The following PLB1 variants were observed in gnomAD, a reference collection of about 807,000 sequenced individuals.
PLB1 encodes phospholipase B1.
In PLB1, 242 loss-of-function variants were observed where a neutral mutation model predicts 227.4. The ratio of observed to expected loss-of-function variants is 1.06; its 90% confidence interval spans 0.96 to 1.18. The LOEUF is 1.18. Among genes scored for constraint, PLB1 ranks in the 50% most tolerant of loss-of-function variants. PLB1 has a pLI of 0.00. For missense variants in PLB1, 1,858 were observed against 1,816.3 expected (o/e 1.02, Z -0.42); for synonymous variants, 757 against 682.2 (o/e 1.11, Z -1.71).
At chr2:28,641,742 C>A (rs1689999844) in intron 57 of PLB1, among the ~76,000 whole-genome samples, 1 of 152,164 alleles carries the variant, frequency 6.6e-6, no homozygotes, top group Admixed American at 6.5e-5. Context: ...ACACCCACTG[C>A]CCTTGCCTGG....
intron 16 of PLB1, among the ~76,000 whole-genome samples, chr2:28,550,977 G>A (rs994063827): frequency 6.6e-6 from 1 of 152,186 alleles, no homozygotes; most frequent in Non-Finnish European, 1.5e-5. Context: ...CTGGGTGCCT[G>A]GAAGCAGGTC....
chr2:28,604,871 G>T (rs1684440050), intron 41 of PLB1, 112 bp downstream of exon 41: 1 of 981,550 alleles, frequency 1.0e-6, no homozygotes, highest in African/African-American at 1.6e-5. Flanking sequence ...CAGCTCTCCA[G>T]ACGCTGTGCT....
intron 41 of PLB1, 139 bp from the exon 42 acceptor site, chr2:28,605,714 A>G (rs1027288595): frequency 1.5e-6 from 1 of 671,602 alleles, no homozygotes; most frequent in Non-Finnish European, 2.7e-6. Context: ...GTTAAGGTGA[A>G]TGGGCCCTGT....
intron 46 of PLB1, among the ~76,000 whole-genome samples, chr2:28,619,909 T>G (rs2148325830): frequency 6.6e-6 from 1 of 152,230 alleles, no homozygotes; most frequent in African/African-American, 2.4e-5. Context: ...AAGAGGCATG[T>G]GCAGGAGTAA....
At chr2:28,560,759 C>T (rs1403979183) in intron 17 of PLB1, among the ~76,000 whole-genome samples, 2 of 152,208 alleles carry the variant, frequency 1.3e-5, no homozygotes, top group Non-Finnish European at 2.9e-5. Flanking sequence ...ATTCTATTTA[C>T]ATGAAATATC....
chr2:28,511,885 A>G (rs1043185101), intron 1 of PLB1, among the ~76,000 whole-genome samples: 2 of 150,232 alleles, frequency 1.3e-5, no homozygotes, highest in African/African-American at 2.5e-5. Context: ...CCTGGGTTCA[A>G]GTAATTCTCC....
chr2:28,543,392 C>A, intron 14 of PLB1, 124 bp downstream of exon 14: 2 of 967,312 alleles, frequency 2.1e-6, no homozygotes, highest in Non-Finnish European at 3.0e-6. Flanking sequence ...GGTTCTGGGC[C>A]ACCAGGGATG....
chr2:28,504,233 C>A (rs1371341952), intron 1 of PLB1, among the ~76,000 whole-genome samples: 5 of 152,180 alleles, frequency 3.3e-5, no homozygotes, highest in Non-Finnish European at 5.9e-5. Context: ...TGTCTTTCTA[C>A]ACTGCATTCT....
intron 4 of PLB1, among the ~76,000 whole-genome samples, chr2:28,524,727 C>T (rs776930925): frequency 2.6e-5 from 4 of 151,952 alleles, no homozygotes; most frequent in East Asian, 1.9e-4. Context: ...TGGAGGAAAA[C>T]GTCCCACACC....
At chr2:28,587,784 T>C (rs1387906904) in intron 26 of PLB1, among the ~76,000 whole-genome samples, 1 of 152,198 alleles carries the variant, frequency 6.6e-6, no homozygotes, top group Non-Finnish European at 1.5e-5. Context: ...ACCCACGCCC[T>C]GGCTGCAAGA....
chr2:28,524,453 C>T (rs139314308), intron 4 of PLB1, among the ~76,000 whole-genome samples: 150 of 152,212 alleles, frequency 9.9e-4, no homozygotes, highest in African/African-American at 3.5e-3. Context: ...CAGCATTTTA[C>T]CAAGGGGGAA....
intron 35 of PLB1, among the ~76,000 whole-genome samples, chr2:28,599,693 G>A (rs548405322): frequency 4.6e-5 from 7 of 152,206 alleles, no homozygotes; most frequent in African/African-American, 1.7e-4. Context: ...CTCTGCTCAC[G>A]GTAACCTCCG....
At chr2:28,505,859 T>C (rs1233679089) in intron 1 of PLB1, among the ~76,000 whole-genome samples, 1 of 152,186 alleles carries the variant, frequency 6.6e-6, no homozygotes, top group Admixed American at 6.6e-5. Flanking sequence ...GTTGGTGGCA[T>C]AGCCATCCCC....
chr2:28,593,799 A>G, intron 33 of PLB1, 45 bp downstream of exon 33: 1 of 1,536,698 alleles, frequency 6.5e-7, no homozygotes. Context: ...CCCACAACAG[A>G]GATTAGGTGT....
intron 24 of PLB1, 96 bp from the exon 25 acceptor site, chr2:28,582,309 C>G: frequency 8.1e-7 from 1 of 1,234,598 alleles, no homozygotes; most frequent in Admixed American, 1.9e-5. Flanking sequence ...ATGGAAGTCC[C>G]TAGATCTGAA....
intron 1 of PLB1, among the ~76,000 whole-genome samples, chr2:28,516,262 C>T (rs956968213): frequency 6.6e-6 from 1 of 152,186 alleles, no homozygotes; most frequent in Non-Finnish European, 1.5e-5. Flanking sequence ...TGCCATCTCC[C>T]TACCTGCCTT....
Position 28,626,478 on chromosome 2 carries a change from C to G in PLB1, c.3630C>G (p.Val1210=), listed in dbSNP as rs1390277293. 6.2e-7 allele frequency: 1 copy of G among 1,614,156 alleles called. No homozygotes were observed. The highest frequency in any genetic ancestry group is 8.5e-7 in the Non-Finnish European group (1 of 1,180,008). ...AGCTGGTCACACTCTTCATTGGGGT[C>G]AACGACTTGTGTCATTACTGTGAGA... ...DWKLVTLFIG[V]NDLCHYCENP... is the part of the protein sequence containing the mutation. Residue 1210 remains valine, a synonymous_variant, in exon 51 of 58, where the codon GTC becomes GTG. Coordinates refer to ENST00000327757, the MANE Select transcript of PLB1 (RefSeq NM_153021.5).
intron 34 of PLB1, among the ~76,000 whole-genome samples, chr2:28,598,370 A>G (rs1683313591): frequency 6.6e-6 from 1 of 152,182 alleles, no homozygotes; most frequent in Admixed American, 6.5e-5. Context: ...AGGTGCTGAG[A>G]CAAATTAGGT....
chr2:28,603,436 TA>T (rs1405854998), intron 39 of PLB1, among the ~76,000 whole-genome samples: 1 of 152,156 alleles, frequency 6.6e-6, no homozygotes, highest in Non-Finnish European at 1.5e-5. Context: ...CAGCAAATCT[TA>T]CAGAACTTCC....
Sources: gnomAD v4.1 joint callset for allele counts (sites outside exome capture counted in the v4.1 genomes callset) on GRCh38, gnomAD v4.1.1 for gene constraint, MANE v1.5 for transcripts, NCBI Gene and HGNC (gene_info 2026-07-23, HGNC 2026-07-21) for gene names.